Variants in RYR2 observed in about 807,000 individuals in gnomAD.
The protein encoded by RYR2 is cardiac muscle ryanodine receptor-calcium release channel.
A neutral mutation model predicts 601.1 loss-of-function variants in RYR2; 227 were observed. That is an observed-to-expected ratio of 0.38 (90% CI 0.34 to 0.42). RYR2 has a LOEUF of 0.42. RYR2 is among the 10% of genes least tolerant of loss of function. The pLI, the probability that RYR2 is intolerant of heterozygous loss-of-function variation, is 1.00. For missense variants in RYR2, 4,646 were observed against 6,156.5 expected (o/e 0.75, Z 8.21); for synonymous variants, 2,223 against 2,175.1 (o/e 1.02, Z -0.61).
chr1:237,054,691 A>G (rs1661754523), intron 1 of RYR2, among the ~76,000 whole-genome samples: 1 of 152,184 alleles, frequency 6.6e-6, no homozygotes, highest in Non-Finnish European at 1.5e-5. Flanking sequence ...TTAGTGAAGA[A>G]ATTAAATAAA....
intron 80 of RYR2, among the ~76,000 whole-genome samples, chr1:237,743,434 A>G (rs146183316): frequency 1.3e-5 from 2 of 152,314 alleles, no homozygotes; most frequent in East Asian, 1.9e-4. Context: ...TATGTTTTCT[A>G]TTCTCAAAGT....
At chr1:237,097,873 G>A (rs1667654563) in intron 1 of RYR2, among the ~76,000 whole-genome samples, 1 of 152,220 alleles carries the variant, frequency 6.6e-6, no homozygotes, top group Admixed American at 6.5e-5. Context: ...GTCTTGACAA[G>A]TGAGTGCCCC....
At chr1:237,369,922 G>A (rs754885632) in intron 6 of RYR2, among the ~76,000 whole-genome samples, 32 of 152,176 alleles carry the variant, frequency 2.1e-4, no homozygotes, top group Non-Finnish European at 4.0e-4. Flanking sequence ...TTGTTTTGAA[G>A]AGTTCATTTA....
chr1:237,627,152 T>A (rs1168603280), intron 40 of RYR2, among the ~76,000 whole-genome samples: 1 of 152,214 alleles, frequency 6.6e-6, no homozygotes, highest in Admixed American at 6.5e-5. Flanking sequence ...ATTTCACTGT[T>A]TATTTGAAAA....
chr1:237,678,079 C>A lies in RYR2; in HGVS notation c.8862C>A (p.Phe2954Leu). 1 of 1,605,310 alleles carries A rather than the reference C, an allele frequency of 6.2e-7. No individual in the cohort carries two copies. Among genetic ancestry groups the A allele is most frequent in the South Asian group, 1.1e-5 (1 of 90,172 alleles). The change falls in exon 61 of 105, where the codon TTC becomes TTA. Residue 2954 changes from phenylalanine to leucine, a missense_variant. Physicochemically the swap from Phe to Leu is conservative, Grantham distance 22 (BLOSUM62 0). Coordinates refer to ENST00000366574, the MANE Select transcript of RYR2 (RefSeq NM_001035.3). ...DGGSRGKGEH[F>L]PYEQEIKFFA... ...GCAGCAGAGGCAAAGGAGAACATTT[C>A]CCTTATGAACAAGAAATCAAGTTCT...
intron 17 of RYR2, among the ~76,000 whole-genome samples, chr1:237,472,910 A>C (rs1660893838): frequency 6.6e-6 from 1 of 152,120 alleles, no homozygotes; most frequent in Non-Finnish European, 1.5e-5. Context: ...TGTGATAAAT[A>C]GCAAATGGGA....
In RYR2 at chr1:237,805,119, G is replaced by A. The variant is rs183618159; in HGVS notation, c.14152-1018G>A. On this transcript the variant is annotated intron_variant, in intron 98 of 104. Coordinates refer to ENST00000366574, the MANE Select transcript of RYR2 (RefSeq NM_001035.3). ...GCGCTGGGTTGAGAAAGCCTGCTGC[G>A]GAGTAGGAAGTCAATAAATGTTTCT... Among the ~76,000 whole-genome samples the A allele has an allele frequency of 5.9e-4, 90 of 152,180 alleles. 1 individual carries two copies. Among genetic ancestry groups the A allele is most frequent in the African/African-American group, 2.0e-3 (83 of 41,484 alleles).
intron 22 of RYR2, among the ~76,000 whole-genome samples, chr1:237,505,466 C>T (rs1665122443): frequency 6.6e-6 from 1 of 152,178 alleles, no homozygotes; most frequent in Non-Finnish European, 1.5e-5. Context: ...CTCCTCAAAT[C>T]GTATTTCTTG....
chr1:237,128,090 G>A (rs980470990), intron 1 of RYR2, among the ~76,000 whole-genome samples: 14 of 152,220 alleles, frequency 9.2e-5, no homozygotes, highest in Non-Finnish European at 1.9e-4. Context: ...TCCAGCCTGG[G>A]CACCATTGAG....
At chr1:237,806,354 C>A in intron 99 of RYR2, 71 bp downstream of exon 99, 1 of 1,415,562 alleles carries the variant, frequency 7.1e-7, no homozygotes, top group Non-Finnish European at 9.8e-7. Context: ...AAAAATAAAA[C>A]TACCCCTCAA....
At chr1:237,809,228 A>T (rs571532055) in intron 100 of RYR2, among the ~76,000 whole-genome samples, 193 bp downstream of exon 100, 3 of 152,232 alleles carry the variant, frequency 2.0e-5, no homozygotes, top group Non-Finnish European at 4.4e-5. Context: ...TCAATTTTCC[A>T]TATGTGCTGC....
chr1:237,209,219 A>G (rs558505370), intron 1 of RYR2, among the ~76,000 whole-genome samples: 30 of 151,202 alleles, frequency 2.0e-4, no homozygotes, highest in African/African-American at 7.0e-4. Context: ...ATGCATATAG[A>G]AGTGCTAATG....
chr1:237,110,199 G>A (rs1285092515), intron 1 of RYR2, among the ~76,000 whole-genome samples: 6 of 152,100 alleles, frequency 3.9e-5, no homozygotes, highest in Admixed American at 1.3e-4. Flanking sequence ...TTGTTAAAAC[G>A]CAGATTGCTG....
At chr1:237,241,300 T>C (rs942739245) in intron 1 of RYR2, among the ~76,000 whole-genome samples, 1 of 152,186 alleles carries the variant, frequency 6.6e-6, no homozygotes, top group African/African-American at 2.4e-5. Flanking sequence ...AAACGTGTCT[T>C]AGAATTAACG....
chr1:237,750,361 G>A (rs933502350), intron 80 of RYR2, among the ~76,000 whole-genome samples: 3 of 151,790 alleles, frequency 2.0e-5, no homozygotes, highest in Non-Finnish European at 4.4e-5. Flanking sequence ...TGAATTGTCA[G>A]AATATTTGAC....
intron 64 of RYR2, among the ~76,000 whole-genome samples, chr1:237,699,596 A>G (rs1687784822): frequency 1.3e-5 from 2 of 152,330 alleles, no homozygotes; most frequent in South Asian, 4.1e-4. Context: ...AATCTAAATA[A>G]AAGTTTATAA....
rs1678560347 is a variant in RYR2, at chr1:237,180,403, T to C, written c.49-90094T>C. The stretch of plus-strand genomic sequence containing the variant: ...CAGTGATTTGGGCCTGATTTATCTC[T>C]TGATTGCTCTCTGGTAACCGACTCT... On this transcript the variant is annotated intron_variant, in intron 1 of 104. Coordinates refer to ENST00000366574, the MANE Select transcript of RYR2 (RefSeq NM_001035.3). This position sits in a 1 kb window ranked among gnomAD's most constrained non-coding sequence, Gnocchi z 5.3. 6.6e-6 allele frequency among the ~76,000 whole-genome samples: 1 copy of C among 152,144 alleles called. No individual in the cohort carries two copies. Among genetic ancestry groups the C allele is most frequent in the African/African-American group, 2.4e-5 (1 of 41,424 alleles).
chr1:237,446,708 C>T (rs1708372779), intron 14 of RYR2, among the ~76,000 whole-genome samples: 1 of 152,184 alleles, frequency 6.6e-6, no homozygotes, highest in Non-Finnish European at 1.5e-5. Context: ...TTTGGCCACA[C>T]ATCCTAAGTG....
chr1:237,605,594 G>A (rs1329221538), intron 35 of RYR2, among the ~76,000 whole-genome samples: 1 of 152,084 alleles, frequency 6.6e-6, no homozygotes, highest in African/African-American at 2.4e-5. Flanking sequence ...AAGAAATAAA[G>A]GGTATTCAAT....
Sources: allele counts gnomAD v4.1 joint callset (sites outside exome capture counted in the v4.1 genomes callset), GRCh38; gene constraint gnomAD v4.1.1; non-coding constraint Gnocchi (gnomAD v3.1); transcripts MANE v1.5; gene names NCBI Gene and HGNC (gene_info 2026-07-23, HGNC 2026-07-21).